MAPKAP1: variants seen among roughly 807,000 people sequenced by gnomAD.
MAPKAP1 encodes the protein MAPK associated protein 1, also known as target of rapamycin complex 2 subunit MAPKAP1.
MAPKAP1 carries 20 observed loss-of-function variants against 65.7 expected under a neutral mutation model. The observed-to-expected ratio is 0.30, with a 90% CI of 0.21 to 0.44. The LOEUF (loss-of-function observed/expected upper bound fraction) is 0.44. MAPKAP1 is among the 20% of genes least tolerant of loss of function. MAPKAP1 has a pLI of 1.00. For missense variants in MAPKAP1, 423 were observed against 648.0 expected, an observed-to-expected ratio of 0.65 and a Z score of 3.77; for synonymous variants, 222 against 244.3, an observed-to-expected ratio of 0.91 and a Z score of 0.85.
chr9:125,459,173 G>A (rs1224725398), intron 10 of MAPKAP1, among the ~76,000 whole-genome samples: 1 of 148,996 alleles, frequency 6.7e-6, no homozygotes, highest in Non-Finnish European at 1.5e-5. Flanking sequence ...TCACATCCCA[G>A]ACGGGGCGGC....
At chr9:125,489,328 G>A (rs187857004) in intron 8 of MAPKAP1, among the ~76,000 whole-genome samples, 91 of 152,250 alleles carry the variant, frequency 6.0e-4, no homozygotes, top group Non-Finnish European at 1.0e-3. Context: ...GGGTCTCCTC[G>A]TGAATGACAA....
intron 11 of MAPKAP1, among the ~76,000 whole-genome samples, chr9:125,441,500 A>G (rs757812527): frequency 2.6e-5 from 4 of 152,234 alleles, no homozygotes; most frequent in Non-Finnish European, 4.4e-5. Context: ...TGTTCAATAA[A>G]TGGGAGACGT....
intron 9 of MAPKAP1, among the ~76,000 whole-genome samples, chr9:125,474,636 G>C (rs1854038513): frequency 6.6e-6 from 1 of 152,146 alleles, no homozygotes; most frequent in Admixed American, 6.5e-5. Flanking sequence ...GAGACTGCTT[G>C]ACTCTTGGGA....
intron 4 of MAPKAP1, among the ~76,000 whole-genome samples, chr9:125,585,958 T>TC (rs2131580127): frequency 6.6e-6 from 1 of 152,292 alleles, no homozygotes; most frequent in African/African-American, 2.4e-5. Flanking sequence ...GGAAGGTAAA[T>TC]GGGCACTACA....
chr9:125,635,412 T>C (rs1459344245), intron 4 of MAPKAP1, among the ~76,000 whole-genome samples: 2 of 152,234 alleles, frequency 1.3e-5, no homozygotes, highest in Non-Finnish European at 2.9e-5. Flanking sequence ...CCCCAGCTGC[T>C]GCTCAATTAA....
intron 1 of MAPKAP1, among the ~76,000 whole-genome samples, chr9:125,703,509 C>T (rs1314473618): frequency 3.3e-5 from 5 of 152,156 alleles, no homozygotes; most frequent in Admixed American, 6.5e-5. Context: ...TGGTGGCTCA[C>T]GCCTGTAATC....
intron 3 of MAPKAP1, among the ~76,000 whole-genome samples, chr9:125,660,868 C>G (rs1436473134): frequency 1.3e-5 from 2 of 152,112 alleles, no homozygotes; most frequent in Non-Finnish European, 2.9e-5. Flanking sequence ...CAATATGAGT[C>G]TTTTGAAATA....
intron 8 of MAPKAP1, 108 bp downstream of exon 8, chr9:125,506,202 A>C (rs1200354104): frequency 1.1e-6 from 1 of 888,090 alleles, no homozygotes; most frequent in African/African-American, 1.6e-5. Context: ...GAAAACAGTC[A>C]CTTCAAATCT....
chr9:125,638,420 T>C (rs890950955), intron 4 of MAPKAP1, among the ~76,000 whole-genome samples: 6 of 152,108 alleles, frequency 3.9e-5, no homozygotes, highest in Admixed American at 6.5e-5. Flanking sequence ...AGTGGTGAAA[T>C]AGAAGAAAAG....
rs142311420 is a variant in MAPKAP1 at position 125,454,535 on chromosome 9, A to G, written c.1346-9937T>C. On this transcript the variant is annotated intron_variant, in intron 10 of 11. Coordinates refer to ENST00000265960, the MANE Select transcript of MAPKAP1 (RefSeq NM_001006617.3). ...CCTTCTGCATTAGAGTATAAGGAAA[A>G]GAAAATACTGTTTTATCACTTTTTT... Among the ~76,000 whole-genome samples, 7 of 152,360 alleles carry G rather than the reference A, an allele frequency of 4.6e-5. No individual in the cohort carries two copies. The East Asian group carries it at 1.3e-3, about 29-fold the overall frequency.
intron 4 of MAPKAP1, among the ~76,000 whole-genome samples, chr9:125,615,870 C>T (rs1247683789): frequency 6.7e-6 from 1 of 150,170 alleles, no homozygotes; most frequent in African/African-American, 2.5e-5. Flanking sequence ...GCCAAGATCA[C>T]GCTGCTGCAC....
At chr9:125,704,104 C>A (rs1025741476) in intron 1 of MAPKAP1, among the ~76,000 whole-genome samples, 3 of 152,162 alleles carry the variant, frequency 2.0e-5, no homozygotes, top group African/African-American at 7.2e-5. Flanking sequence ...AGCTCAAGGG[C>A]AAGTTTCTCT....
At chr9:125,464,216 A>T (rs866420322) in intron 10 of MAPKAP1, among the ~76,000 whole-genome samples, 1,593 of 148,922 alleles carry the variant, frequency 0.011, 56 homozygotes, top group African/African-American at 0.036. Flanking sequence ...AAAAAAAAAA[A>T]AAAAAAAAAA....
At chr9:125,587,474 G>A (rs1246715839) in intron 4 of MAPKAP1, among the ~76,000 whole-genome samples, 1 of 152,162 alleles carries the variant, frequency 6.6e-6, no homozygotes, top group Non-Finnish European at 1.5e-5. Flanking sequence ...GCTGAGGCAG[G>A]AGAACTGCTT....
At chr9:125,611,408 TAAG>T (rs1832596616) in intron 4 of MAPKAP1, among the ~76,000 whole-genome samples, 1 of 151,976 alleles carries the variant, frequency 6.6e-6, no homozygotes, top group African/African-American at 2.4e-5. Context: ...AGATAGGAAA[TAAG>T]AAAGAGAAAT....
At chr9:125,454,379 C>T (rs1213938672) in intron 10 of MAPKAP1, among the ~76,000 whole-genome samples, 6 of 152,214 alleles carry the variant, frequency 3.9e-5, no homozygotes, top group African/African-American at 1.2e-4. Context: ...TTTGCAAGTA[C>T]TCTATGGGAG....
At position 125,522,666 on chromosome 9, in the gene MAPKAP1, A is replaced by G. The variant is rs1436314697; in HGVS notation, c.959-16249T>C. Among the ~76,000 whole-genome samples, 6 of 152,196 alleles carry G rather than the reference A, an allele frequency of 3.9e-5. No homozygotes were observed. In the East Asian group the frequency reaches 9.7e-4, roughly 25 times the overall value. Reference sequence around the variant, plus strand: ...CCTCCAGCCAACCACTCTTCACCCTATTGTTAGAGTGCTCTCCAGAGCCAA... The same window carrying G: ...CCTCCAGCCAACCACTCTTCACCCTGTTGTTAGAGTGCTCTCCAGAGCCAA... On this transcript the variant is annotated intron_variant, in intron 7 of 11. Coordinates refer to ENST00000265960, the MANE Select transcript of MAPKAP1 (RefSeq NM_001006617.3).
chr9:125,482,873 T>G (rs1854368209), intron 9 of MAPKAP1, among the ~76,000 whole-genome samples: 1 of 152,190 alleles, frequency 6.6e-6, no homozygotes, highest in South Asian at 2.1e-4. Context: ...TAGCAGCTAA[T>G]GCTCACTAGG....
intron 8 of MAPKAP1, among the ~76,000 whole-genome samples, chr9:125,502,783 C>T (rs758477136): frequency 6.6e-6 from 1 of 152,034 alleles, no homozygotes; most frequent in African/African-American, 2.4e-5. Context: ...TTCTCTGTAC[C>T]GCCTGTCCAT....
Sources: allele counts gnomAD v4.1 joint callset (sites outside exome capture counted in the v4.1 genomes callset), GRCh38; gene constraint gnomAD v4.1.1; transcripts MANE v1.5; gene names NCBI Gene and HGNC (gene_info 2026-07-23, HGNC 2026-07-21).